HS6ST2: variants seen among roughly 807,000 people sequenced by gnomAD.
The protein encoded by HS6ST2 is heparan sulfate 6-O-sulfotransferase 2.
A neutral mutation model predicts 33.0 loss-of-function variants in HS6ST2; 17 were observed. The ratio of observed to expected loss-of-function variants is 0.52; its 90% confidence interval spans 0.35 to 0.77. HS6ST2 has a LOEUF of 0.77. HS6ST2 is among the 30% of genes least tolerant of loss of function. The pLI, the probability that HS6ST2 is intolerant of heterozygous loss-of-function variation, is 0.01. For missense variants in HS6ST2, 519 were observed against 551.7 expected (o/e 0.94, Z 0.59); for synonymous variants, 248 against 237.1 (o/e 1.05, Z -0.42).
intron 2 of HS6ST2, among the ~76,000 whole-genome samples, chrX:132,755,761 T>C (rs1602643445): frequency 8.9e-6 from 1 of 111,845 alleles, no homozygotes; most frequent in East Asian, 2.8e-4. Context: ...GCTCAAGAGT[T>C]CCATGATCGC....
intron 2 of HS6ST2, among the ~76,000 whole-genome samples, chrX:132,879,303 C>T: frequency 9.0e-6 from 1 of 111,636 alleles, no homozygotes; most frequent in East Asian, 2.8e-4. Context: ...ATTGAAAATG[C>T]TCCCCCATCA....
chrX:132,727,246 G>C (rs922943211), intron 2 of HS6ST2, among the ~76,000 whole-genome samples: 1 of 98,032 alleles, frequency 1.0e-5, no homozygotes, highest in Admixed American at 1.1e-4. Flanking sequence ...TGGGGGGGGG[G>C]GCATAGAGAT....
At chrX:132,903,377 G>C (rs955975461) in intron 2 of HS6ST2, among the ~76,000 whole-genome samples, 2 of 111,638 alleles carry the variant, frequency 1.8e-5, no homozygotes, top group Non-Finnish European at 3.8e-5. Flanking sequence ...TCCCCTAATT[G>C]ATCTACAGAT....
At chrX:132,923,946 T>G (rs1206185695) in intron 2 of HS6ST2, among the ~76,000 whole-genome samples, 1 of 112,182 alleles carries the variant, frequency 8.9e-6, no homozygotes, top group African/African-American at 3.2e-5. Context: ...TCAGCAAAAA[T>G]GTAATTTTCC....
At position 132,742,524 on chromosome X, in the gene HS6ST2, A is replaced by C. The variant is rs948188721; in HGVS notation, c.948-34030T>G. Among the ~76,000 whole-genome samples the C allele has an allele frequency of 1.3e-4, 14 of 111,671 alleles. No individual in the cohort carries two copies. The Admixed American group carries it at 1.3e-3, about 11-fold the overall frequency. On this transcript the variant is annotated intron_variant, in intron 2 of 4. Transcript: ENST00000370833. The stretch of plus-strand genomic sequence containing the variant: ...GCTAGTCCTTTAGAGAGCCCATTGC[A>C]TAAAGGCCAAAAAGGACTTCCCCAA...
chrX:132,646,189 A>G (rs1055762602), intron 4 of HS6ST2, among the ~76,000 whole-genome samples: 1 of 112,266 alleles, frequency 8.9e-6, no homozygotes, highest in Non-Finnish European at 1.9e-5. Context: ...GCATAAGTTC[A>G]GGAGTGCTGG....
intron 2 of HS6ST2, among the ~76,000 whole-genome samples, chrX:132,862,701 T>C (rs2065924184): frequency 8.9e-6 from 1 of 112,269 alleles, no homozygotes; most frequent in Non-Finnish European, 1.9e-5. Flanking sequence ...TAGGTGGTGC[T>C]AGTATTATAA....
chrX:132,914,117 CA>C (rs2066562076), intron 2 of HS6ST2, among the ~76,000 whole-genome samples: 1 of 112,068 alleles, frequency 8.9e-6, no homozygotes. Context: ...ACAACTTAGA[CA>C]AAAATGTGAT....
intron 2 of HS6ST2, among the ~76,000 whole-genome samples, chrX:132,759,104 G>A (rs1258616454): frequency 9.0e-6 from 1 of 111,712 alleles, no homozygotes; most frequent in Admixed American, 9.5e-5. Context: ...CTTGGAATGT[G>A]GCAAGATGGA....
chrX:132,658,604 C>A (rs1480020991), intron 4 of HS6ST2, among the ~76,000 whole-genome samples: 2 of 111,915 alleles, frequency 1.8e-5, no homozygotes, highest in Non-Finnish European at 3.8e-5. Flanking sequence ...CATGGTTCTA[C>A]CACTTACTAT....
chrX:132,824,639 TTTG>T (rs1313540262), intron 2 of HS6ST2, among the ~76,000 whole-genome samples: 1 of 112,383 alleles, frequency 8.9e-6, no homozygotes, highest in Admixed American at 9.4e-5. Context: ...CTCTAAGCAT[TTTG>T]TTGTTGTTGT....
intron 3 of HS6ST2, 93 bp from the exon 4 acceptor site, chrX:132,669,292 A>G: frequency 1.5e-6 from 1 of 668,104 alleles, no homozygotes. Flanking sequence ...TCTCAAGGCC[A>G]GCCTGCATAT....
At chrX:132,753,568 C>T (rs910710940) in intron 2 of HS6ST2, among the ~76,000 whole-genome samples, 3 of 112,203 alleles carry the variant, frequency 2.7e-5, no homozygotes, top group Non-Finnish European at 5.6e-5. Context: ...CTTTGCTTCT[C>T]CTTTGCCTTC....
chrX:132,904,207 C>A (rs1452711218), intron 2 of HS6ST2, among the ~76,000 whole-genome samples: 1 of 112,195 alleles, frequency 8.9e-6, no homozygotes, highest in Non-Finnish European at 1.9e-5. Context: ...TTTAGTTTCT[C>A]CTGTTTATGA....
At chrX:132,672,521 C>T (rs1376843465) in intron 3 of HS6ST2, among the ~76,000 whole-genome samples, 1 of 111,475 alleles carries the variant, frequency 9.0e-6, no homozygotes, top group Non-Finnish European at 1.9e-5. Flanking sequence ...AGTAGCTATC[C>T]TTTTCTATGG....
In HS6ST2 at chrX:132,853,464, C is replaced by T. The variant is rs146930607; in HGVS notation, c.947+103344G>A. Among the ~76,000 whole-genome samples, 580 of 110,345 alleles carry T rather than the reference C, an allele frequency of 5.3e-3. 2 individuals carry two copies. The highest frequency in any genetic ancestry group is 0.026 in the East Asian group (92 of 3,513). On this transcript the variant is annotated intron_variant, in intron 2 of 4. Coordinates refer to ENST00000370833, the MANE Select transcript of HS6ST2 (RefSeq NM_001394073.1). The stretch of plus-strand genomic sequence containing the variant: ...GTCAGCCACCGCACCCCACCCTACA[C>T]AAACTTTAAATCTGGAGTTTACAAA...
chrX:132,754,465 G>A (rs1423888843), intron 2 of HS6ST2, among the ~76,000 whole-genome samples: 1 of 104,016 alleles, frequency 9.6e-6, no homozygotes, highest in Non-Finnish European at 2.0e-5. Flanking sequence ...CGCCCAGGTT[G>A]GAGTGCAGTG....
At chrX:132,855,916 C>G (rs146282126) in intron 2 of HS6ST2, among the ~76,000 whole-genome samples, 1 of 110,190 alleles carries the variant, frequency 9.1e-6, no homozygotes, top group Non-Finnish European at 1.9e-5. Context: ...TTGCAATGCT[C>G]ACAGTATCCT....
At chrX:132,646,659 C>A (rs2063646371) in intron 4 of HS6ST2, among the ~76,000 whole-genome samples, 1 of 110,985 alleles carries the variant, frequency 9.0e-6, no homozygotes, top group Non-Finnish European at 1.9e-5. Flanking sequence ...GAACACCGTG[C>A]AACGTAAGAG....
Sources: gnomAD v4.1 joint callset for allele counts (sites outside exome capture counted in the v4.1 genomes callset) on GRCh38, gnomAD v4.1.1 for gene constraint, MANE v1.5 for transcripts, NCBI Gene and HGNC (gene_info 2026-07-23, HGNC 2026-07-21) for gene names.